The following RORA variants were observed in gnomAD, a reference collection of about 807,000 sequenced individuals.
RORA encodes nuclear receptor ROR-alpha.
Under a neutral mutation model 69.5 loss-of-function variants are expected in RORA, and 7 were observed. The observed-to-expected ratio is 0.10, with a 90% CI of 0.06 to 0.19. The LOEUF (loss-of-function observed/expected upper bound fraction) is 0.19. RORA is among the 10% of genes least tolerant of loss of function. The pLI is 1.00. For synonymous variants in RORA, 261 were observed against 240.8 expected, an observed-to-expected ratio of 1.08 and a Z score of -0.78; for missense variants, 457 against 663.0, an observed-to-expected ratio of 0.69 and a Z score of 3.41.
chr15:61,157,979 C>T (rs1014145711), intron 1 of RORA, among the ~76,000 whole-genome samples: 1 of 152,154 alleles, frequency 6.6e-6, no homozygotes, highest in African/African-American at 2.4e-5. Flanking sequence ...AAATCCCAGA[C>T]CCTGGAGAGC....
At chr15:60,924,668 A>G (rs1892154631) in intron 1 of RORA, among the ~76,000 whole-genome samples, 1 of 152,202 alleles carries the variant, frequency 6.6e-6, no homozygotes, top group African/African-American at 2.4e-5. Context: ...GAAGCACTAA[A>G]CCACAGGGCG....
At chr15:61,046,350 C>G (rs1021742800) in intron 1 of RORA, among the ~76,000 whole-genome samples, 8 of 152,196 alleles carry the variant, frequency 5.3e-5, no homozygotes, top group African/African-American at 1.9e-4. Flanking sequence ...TCTTTCTCAG[C>G]TTTGATAATT....
In RORA at chr15:60,707,934, G is replaced by GCCA. The variant is rs370456644; in HGVS notation, c.167-29251_167-29249dup. On this transcript the variant is annotated intron_variant, in intron 1 of 10. Transcript: ENST00000335670. ...TCTGCTTCTCATCCTGTTCCTCTCAGCCACCCTGTAGGATTTGTATAGAAC... is the reference window on the plus strand; with the variant it reads ...TCTGCTTCTCATCCTGTTCCTCTCAGCCACCACCCTGTAGGATTTGTATAGAAC... Among the ~76,000 whole-genome samples the GCCA allele has an allele frequency of 2.7e-3, 410 of 152,268 alleles. 2 individuals carry two copies. The highest frequency in any genetic ancestry group is 9.4e-3 in the African/African-American group (392 of 41,532).
At chr15:60,903,254 A>C (rs904672568) in intron 1 of RORA, among the ~76,000 whole-genome samples, 3 of 152,194 alleles carry the variant, frequency 2.0e-5, no homozygotes, top group Non-Finnish European at 4.4e-5. Context: ...GGCTAATGGC[A>C]CATGAAGCCT....
At chr15:60,785,783 C>T (rs1276966398) in intron 1 of RORA, among the ~76,000 whole-genome samples, 1 of 152,250 alleles carries the variant, frequency 6.6e-6, no homozygotes, top group East Asian at 1.9e-4. Context: ...AAGCATTCCT[C>T]CCCTCCATAT....
intron 1 of RORA, among the ~76,000 whole-genome samples, chr15:61,133,443 A>T (rs2079209859): frequency 6.6e-6 from 1 of 152,166 alleles, no homozygotes; most frequent in South Asian, 2.1e-4. Context: ...AAACAAACGA[A>T]ACCAAAAATG....
intron 1 of RORA, among the ~76,000 whole-genome samples, chr15:60,701,146 G>T (rs928443883): frequency 1.3e-5 from 2 of 152,112 alleles, no homozygotes; most frequent in Non-Finnish European, 2.9e-5. Flanking sequence ...CCCTCTCAAA[G>T]AATATAGAAC....
At chr15:61,117,905 T>G (rs140229434) in intron 1 of RORA, among the ~76,000 whole-genome samples, 24 of 152,318 alleles carry the variant, frequency 1.6e-4, no homozygotes, top group African/African-American at 5.8e-4. Flanking sequence ...ACAAAAGAAT[T>G]AGCTTAAACA....
intron 1 of RORA, among the ~76,000 whole-genome samples, chr15:60,892,942 G>T (rs945193456): frequency 3.3e-5 from 5 of 152,218 alleles, no homozygotes; most frequent in African/African-American, 1.2e-4. Context: ...CGATTAAATG[G>T]TGAGAAACAC....
rs116295924 is a variant in RORA at position 60,508,961 on chromosome 15, A to G, written c.820+2265T>C. Among the ~76,000 whole-genome samples, 979 of 152,348 alleles carry G rather than the reference A, an allele frequency of 6.4e-3. 8 individuals carry two copies. The highest frequency in any genetic ancestry group is 0.023 in the African/African-American group (952 of 41,580). On this transcript the variant is annotated intron_variant, in intron 5 of 10. Transcript: ENST00000335670. ...AGTCATATTTTTCACTAAAAGTAAT[A>G]GGTTGTGCATACTACACTTGAAAGA... is the stretch of plus-strand genomic sequence containing the variant.
At chr15:60,784,880 A>G (rs1480956854) in intron 1 of RORA, among the ~76,000 whole-genome samples, 6 of 152,148 alleles carry the variant, frequency 3.9e-5, no homozygotes, top group Admixed American at 2.6e-4. Flanking sequence ...CTATACATAC[A>G]TGTTAATTTC....
At chr15:60,801,942 G>A (rs1215379862) in intron 1 of RORA, among the ~76,000 whole-genome samples, 1 of 152,310 alleles carries the variant, frequency 6.6e-6, no homozygotes, top group Non-Finnish European at 1.5e-5. Flanking sequence ...TTGCAACCAC[G>A]TTAGCTAGGT....
chr15:61,133,576 AG>A lies in RORA; in HGVS notation c.166+95476del, dbSNP rs563796753. Among the ~76,000 whole-genome samples the A allele has an allele frequency of 1.3e-3, 196 of 152,310 alleles. 1 individual carries two copies. The highest frequency in any genetic ancestry group is 4.4e-3 in the African/African-American group (185 of 41,584). ...CTAATGTCAGGCAAGCCCAGGGGAA[AG>A]GGTGAGTCACAAGTCGGGATGGCCA... On this transcript the variant is annotated intron_variant, in intron 1 of 10. Transcript: ENST00000335670.
intron 1 of RORA, among the ~76,000 whole-genome samples, chr15:60,977,893 G>A (rs1893923604): frequency 6.6e-6 from 1 of 151,980 alleles, no homozygotes; most frequent in Admixed American, 6.5e-5. Context: ...CCACTTTTTT[G>A]CTATTACAAA....
chr15:60,738,501 G>A (rs2071532092), intron 1 of RORA, among the ~76,000 whole-genome samples: 1 of 151,744 alleles, frequency 6.6e-6, no homozygotes, highest in East Asian at 1.9e-4. Flanking sequence ...GGGTGCTTTT[G>A]GCTTCACAAG....
intron 1 of RORA, among the ~76,000 whole-genome samples, chr15:60,997,909 A>T (rs1304613570): frequency 6.6e-6 from 1 of 152,220 alleles, no homozygotes; most frequent in Non-Finnish European, 1.5e-5. Context: ...TATTAGGCTT[A>T]ATCAAAACAT....
Position 60,851,934 on chromosome 15 carries a change from G to A in RORA, c.167-173248C>T, listed in dbSNP as rs79570706. On this transcript the variant is annotated intron_variant, in intron 1 of 10. Coordinates refer to ENST00000335670, the MANE Select transcript of RORA (RefSeq NM_134261.3). ...TGATAATGTCTCAGCTCCCTGAAGG[G>A]CAGGATTCCCCGGCCATGTTCCCCA... Among the ~76,000 whole-genome samples, 1,221 of 152,262 alleles carry A rather than the reference G, an allele frequency of 8.0e-3. 14 individuals carry two copies. Among genetic ancestry groups the A allele is most frequent in the African/African-American group, 0.027 (1,128 of 41,548 alleles).
At chr15:60,774,488 G>C (rs1370969154) in intron 1 of RORA, among the ~76,000 whole-genome samples, 2 of 152,132 alleles carry the variant, frequency 1.3e-5, no homozygotes, top group Non-Finnish European at 2.9e-5. Flanking sequence ...TCCTCACATG[G>C]CTGTGGGTAT....
At chr15:60,639,495 T>C (rs1289271668) in intron 2 of RORA, among the ~76,000 whole-genome samples, 1 of 152,136 alleles carries the variant, frequency 6.6e-6, no homozygotes, top group African/African-American at 2.4e-5. Flanking sequence ...CGGCTTCCAG[T>C]GGACAGCCCT....
Sources: allele counts gnomAD v4.1 joint callset (sites outside exome capture counted in the v4.1 genomes callset), GRCh38; gene constraint gnomAD v4.1.1; transcripts MANE v1.5; gene names NCBI Gene and HGNC (gene_info 2026-07-23, HGNC 2026-07-21).